The following TLL2 variants were observed in gnomAD, a reference collection of about 807,000 sequenced individuals.
TLL2 encodes tolloid like 2, also known as tolloid-like protein 2.
Under a neutral mutation model 123.0 loss-of-function variants are expected in TLL2, and 106 were observed. The observed-to-expected ratio is 0.86, with a 90% CI of 0.74 to 1.01. The LOEUF (loss-of-function observed/expected upper bound fraction) is 1.01. TLL2 is among the 50% of genes least tolerant of loss of function. The pLI is 0.00. For synonymous variants in TLL2, 494 were observed against 516.8 expected (o/e 0.96, Z 0.60); for missense variants, 1,332 against 1,336.7 (o/e 1.00, Z 0.06).
At position 96,513,753 on chromosome 10, in the gene TLL2, C is replaced by G; in HGVS notation, c.-68G>C. The G allele has an allele frequency of 7.1e-7, 1 of 1,408,784 alleles. No homozygotes were observed. The highest frequency in any genetic ancestry group is 9.3e-7 in the Non-Finnish European group (1 of 1,078,236). 87.3% of individuals were successfully genotyped at this position (1,408,784 alleles called of 1,614,324 possible). On this transcript the variant is annotated 5_prime_UTR_variant, in exon 1 of 21. Transcript: ENST00000357947. ...AAAGCTCAGCTCGGCCGAAAGACGG[C>G]GCACACTGGGTCGGTCGGCTCCGGC...
At chr10:96,456,962 T>C (rs1207146068) in intron 2 of TLL2, among the ~76,000 whole-genome samples, 1 of 152,126 alleles carries the variant, frequency 6.6e-6, no homozygotes, top group Non-Finnish European at 1.5e-5. Context: ...GGATAGAACA[T>C]AGGAGGGAAA....
intron 1 of TLL2, among the ~76,000 whole-genome samples, chr10:96,511,677 C>T (rs1847632706): frequency 6.6e-6 from 1 of 152,238 alleles, no homozygotes. Context: ...GGGGAGCTGG[C>T]ATGCCTCTTT....
intron 1 of TLL2, among the ~76,000 whole-genome samples, chr10:96,504,369 G>A (rs749277467): frequency 6.6e-6 from 1 of 152,130 alleles, no homozygotes; most frequent in Non-Finnish European, 1.5e-5. Context: ...CAGCACTTTG[G>A]GTGGCTGAGG....
chr10:96,371,269 T>C (rs1488850725), intron 19 of TLL2, among the ~76,000 whole-genome samples: 1 of 150,092 alleles, frequency 6.7e-6, no homozygotes, highest in Non-Finnish European at 1.5e-5. Context: ...TGCAGTGAAC[T>C]GAGATTGTGC....
intron 13 of TLL2, 143 bp downstream of exon 13, chr10:96,395,044 C>G (rs944053752): frequency 2.4e-6 from 2 of 848,786 alleles, no homozygotes; most frequent in South Asian, 3.9e-5. Flanking sequence ...GGGCTCACAC[C>G]CAGCTCTGAA....
chr10:96,392,144 C>G (rs919751289), intron 13 of TLL2, among the ~76,000 whole-genome samples: 1 of 152,092 alleles, frequency 6.6e-6, no homozygotes, highest in Non-Finnish European at 1.5e-5. Context: ...TGAATGCACG[C>G]TAGATGGGGA....
chr10:96,422,878 AG>A, intron 5 of TLL2, 151 bp from the exon 6 acceptor site: 1 of 953,514 alleles, frequency 1.0e-6, no homozygotes, highest in Non-Finnish European at 1.5e-6. Flanking sequence ...CTGTAATCCC[AG>A]AACTTTGGGA....
At chr10:96,504,872 G>C (rs979953376) in intron 1 of TLL2, among the ~76,000 whole-genome samples, 4 of 152,160 alleles carry the variant, frequency 2.6e-5, no homozygotes, top group Non-Finnish European at 5.9e-5. Context: ...GCCAGGCGTG[G>C]TGGCGGGCGC....
intron 9 of TLL2, 96 bp downstream of exon 9, chr10:96,410,263 A>C: frequency 3.5e-6 from 3 of 859,590 alleles, no homozygotes; most frequent in Non-Finnish European, 5.5e-6. Flanking sequence ...CTTATAACCG[A>C]ACAGCTGTTA....
intron 7 of TLL2, among the ~76,000 whole-genome samples, chr10:96,416,950 T>C (rs1159327956): frequency 1.3e-5 from 2 of 152,212 alleles, no homozygotes; most frequent in Non-Finnish European, 2.9e-5. Flanking sequence ...CCTCATCTCC[T>C]GGATCTTTGC....
At chr10:96,384,219 G>C (rs1360300249) in intron 16 of TLL2, among the ~76,000 whole-genome samples, 1 of 152,132 alleles carries the variant, frequency 6.6e-6, no homozygotes, top group African/African-American at 2.4e-5. Flanking sequence ...GAATGCCAAG[G>C]ACTGCTGGGA....
At chr10:96,482,182 C>T (rs991190462) in intron 1 of TLL2, among the ~76,000 whole-genome samples, 56 of 151,136 alleles carry the variant, frequency 3.7e-4, no homozygotes, top group Non-Finnish European at 6.6e-4. Flanking sequence ...GGCGTGAACC[C>T]GGGCGGCGGA....
At chr10:96,499,987 T>A (rs1847516570) in intron 1 of TLL2, among the ~76,000 whole-genome samples, 1 of 151,322 alleles carries the variant, frequency 6.6e-6, no homozygotes, top group Non-Finnish European at 1.5e-5. Flanking sequence ...TGTAAAGGTA[T>A]AAAAATCTTT....
rs184730609 is a variant in TLL2 at position 96,388,628 on chromosome 10, C to T, written c.1727-1550G>A. 8.5e-5 allele frequency among the ~76,000 whole-genome samples: 13 copies of T among 152,236 alleles called. No homozygotes were observed. In the East Asian group the frequency reaches 2.1e-3, roughly 25 times the overall value. ...TACTTTTCAAAGGTATTTATTGGGT[C>T]AAAAGTCTGACTCCTTACAACTTCC... On this transcript the variant is annotated intron_variant, in intron 13 of 20. Transcript: ENST00000357947.
Position 96,370,208 on chromosome 10 carries a change from C to T in TLL2, c.2770G>A (p.Val924Met), listed in dbSNP as rs745452003. 6 of 1,613,930 alleles carry T rather than the reference C, an allele frequency of 3.7e-6. No individual in the cohort carries two copies. The East Asian group carries it at 1.1e-4, about 30-fold the overall frequency. ...TCCACGCCGTAGCCGTCCTCTGCCA[C>T]GATCACCCAGTCACAGCGGGCCTCG... ...PSEARCDWVI[V>M]AEDGYGVELT... Residue 924 changes from valine (V) to methionine (M), a missense_variant, in exon 20 of 21, where the codon GTG becomes ATG. Val to Met is a conservative substitution (Grantham distance 21). Transcript: ENST00000357947.
intron 2 of TLL2, among the ~76,000 whole-genome samples, chr10:96,478,964 C>G (rs1486054373): frequency 6.6e-6 from 1 of 152,116 alleles, no homozygotes; most frequent in Non-Finnish European, 1.5e-5. Context: ...AGTTTTAAAA[C>G]TATTTTAACT....
chr10:96,368,139 A>C lies in TLL2; in HGVS notation c.2997T>G (p.His999Gln), dbSNP rs1401115413. 1.9e-6 allele frequency: 3 copies of C among 1,614,134 alleles called. No homozygotes were observed. The highest frequency in any genetic ancestry group is 2.5e-6 in the Non-Finnish European group (3 of 1,180,048). Reference protein sequence around the residue: ...TDDTINKKGFHARYTSTKFQD... With the variant: ...TDDTINKKGFQARYTSTKFQD... ...GGAACTTGGTGCTGGTGTATCGGGCATGAAAGCCTTTCTTGTTGATGGTGT... is the reference window on the plus strand; with the variant it reads ...GGAACTTGGTGCTGGTGTATCGGGCCTGAAAGCCTTTCTTGTTGATGGTGT... The change falls in exon 21 of 21, where the codon CAT becomes CAG. Residue 999 changes from histidine to glutamine, a missense_variant. Physicochemically the swap from His to Gln is conservative, Grantham distance 24 (BLOSUM62 0). Coordinates refer to ENST00000357947, the MANE Select transcript of TLL2 (RefSeq NM_012465.4).
intron 3 of TLL2, among the ~76,000 whole-genome samples, chr10:96,438,858 C>T (rs1846822872): frequency 2.0e-5 from 3 of 151,946 alleles, no homozygotes; most frequent in African/African-American, 2.4e-5. Context: ...GAGTTTTTAT[C>T]GTGAATAGGT....
Position 96,480,350 on chromosome 10 carries a change from T to A in TLL2, c.285A>T (p.Thr95=), listed in dbSNP as rs1847299998. ...GAGAAGGGAGGAAGCAGTACCTACCTGTGCTGTGTCCTGTTGCCCCCACTG... is the reference window on the plus strand; with the variant it reads ...GAGAAGGGAGGAAGCAGTACCTACCAGTGCTGTGTCCTGTTGCCCCCACTG... The part of the protein sequence containing the change: ...KQTVGATGHS[T]GGLEEQASES... Residue 95 remains threonine (T), a splice_region_variant and synonymous_variant, in exon 2 of 21, where the codon ACA becomes ACT. Coordinates refer to ENST00000357947, the MANE Select transcript of TLL2 (RefSeq NM_012465.4). 6.2e-7 allele frequency: 1 copy of A among 1,613,760 alleles called. No homozygotes were observed. Among genetic ancestry groups the A allele is most frequent in the African/African-American group, 1.3e-5 (1 of 74,912 alleles).
Sources: gnomAD v4.1 joint callset for allele counts (sites outside exome capture counted in the v4.1 genomes callset) on GRCh38, gnomAD v4.1.1 for gene constraint, MANE v1.5 for transcripts, NCBI Gene and HGNC (gene_info 2026-07-23, HGNC 2026-07-21) for gene names.